GOLGA3: variants seen among roughly 807,000 people sequenced by gnomAD.
GOLGA3 encodes golgin subfamily A member 3.
Under a neutral mutation model 169.4 loss-of-function variants are expected in GOLGA3, and 75 were observed. That is an observed-to-expected ratio of 0.44 (90% CI 0.37 to 0.54). GOLGA3 has a LOEUF of 0.54. Among genes scored for constraint, GOLGA3 ranks in the 20% least tolerant of loss-of-function variants. The pLI is 0.00. For missense variants in GOLGA3, 1,899 were observed against 1,930.0 expected, an observed-to-expected ratio of 0.98 and a Z score of 0.30; for synonymous variants, 824 against 822.4, an observed-to-expected ratio of 1.00 and a Z score of -0.03.
chr12:132,787,681 ACCCCGGG>A (rs1297107027), intron 13 of GOLGA3, among the ~76,000 whole-genome samples: 5 of 22,454 alleles, frequency 2.2e-4, no homozygotes, highest in Admixed American at 5.0e-4. Flanking sequence ...CTCCCCGGAG[ACCCCGGG>A]ACCCCTCCCC....
In GOLGA3 at chr12:132,808,684, C is replaced by T. The variant is rs1250731980; in HGVS notation, c.520-135G>A. On this transcript the variant is annotated intron_variant, in intron 4 of 23. Coordinates refer to ENST00000450791, the MANE Select transcript of GOLGA3 (RefSeq NM_001389683.1). Reference sequence around the variant, plus strand: ...AGAGAGCACCACCTCCCCAGCCCCTCACCACACAGGGTGCGGCCAGGCCTC... The same window carrying T: ...AGAGAGCACCACCTCCCCAGCCCCTTACCACACAGGGTGCGGCCAGGCCTC... 6.7e-6 allele frequency: 5 copies of T among 743,396 alleles called. No homozygotes were observed. The South Asian group carries it at 8.6e-5, about 13-fold the overall frequency. 46.0% of individuals were successfully genotyped at this position (743,396 alleles called of 1,614,324 possible). A position where few individuals can be genotyped will look rare whatever the true frequency, so the allele number is the denominator to read the frequency against.
At chr12:132,773,437 TCAG>T in intron 23 of GOLGA3, 143 bp from the exon 24 acceptor site, 1 of 421,910 alleles carries the variant, frequency 2.4e-6, no homozygotes, top group Non-Finnish European at 4.2e-6. Flanking sequence ...CCACAGAAGC[TCAG>T]CTGTTCTCAG....
At position 132,770,076 on chromosome 12, in the gene GOLGA3, T is replaced by G. The variant is rs1487790172; in HGVS notation, c.*3029A>C. On this transcript the variant is annotated 3_prime_UTR_variant, in exon 24 of 24. Coordinates refer to ENST00000450791, the MANE Select transcript of GOLGA3 (RefSeq NM_001389683.1). The stretch of plus-strand genomic sequence containing the variant: ...TGGTGGAACTCCACCCCTCTAAAAA[T>G]ACAAAAATTAGGCTGGTGTGGTGGC... 1 of 151,594 alleles carries G rather than the reference T, an allele frequency of 6.6e-6. No homozygotes were observed. The highest frequency in any genetic ancestry group is 2.4e-5 in the African/African-American group (1 of 41,262). The allele number at this position is 151,594 out of a possible 1,614,324, so 9.4% of individuals were successfully genotyped here.
Position 132,786,718 on chromosome 12 carries a change from C to T in GOLGA3, c.2881G>A (p.Glu961Lys), listed in dbSNP as rs759417382. 19 of 1,599,646 alleles carry T rather than the reference C, an allele frequency of 1.2e-5. No homozygotes were observed. Among genetic ancestry groups the T allele is most frequent in the African/African-American group, 5.5e-5 (4 of 73,108 alleles). Residue 961 changes from glutamate (E) to lysine (K), a missense_variant, in exon 14 of 24, where the codon GAA becomes AAA. Coordinates refer to ENST00000450791, the MANE Select transcript of GOLGA3 (RefSeq NM_001389683.1). ...TTCCGGGCCTCTTGCTGCAACTCTTCGATTTGTTTCTTCAGCGCCTCATTG... is the reference window on the plus strand; with the variant it reads ...TTCCGGGCCTCTTGCTGCAACTCTTTGATTTGTTTCTTCAGCGCCTCATTG... ...EANEALKKQIEELQQEARKAI... is the reference protein window; with the variant it reads ...EANEALKKQIKELQQEARKAI...
intron 9 of GOLGA3, 43 bp from the exon 10 acceptor site, chr12:132,796,743 A>T: frequency 6.3e-7 from 1 of 1,593,728 alleles, no homozygotes; most frequent in Non-Finnish European, 8.6e-7. Flanking sequence ...GGAAACCTTA[A>T]TAGTGAACAG....
chr12:132,773,783 A>G (rs1781464409), intron 23 of GOLGA3, among the ~76,000 whole-genome samples: 1 of 142,436 alleles, frequency 7.0e-6, no homozygotes, highest in Non-Finnish European at 1.5e-5. Context: ...TAAACCGCAG[A>G]GGCTGTGTGA....
chr12:132,790,505 C>T (rs913498352), intron 12 of GOLGA3, among the ~76,000 whole-genome samples: 9 of 152,286 alleles, frequency 5.9e-5, no homozygotes, highest in African/African-American at 1.7e-4. Context: ...ATTTATATTC[C>T]GTGTCTTTTT....
chr12:132,800,217 C>A (rs867670126), intron 8 of GOLGA3, among the ~76,000 whole-genome samples: 1 of 152,278 alleles, frequency 6.6e-6, no homozygotes, highest in Admixed American at 6.5e-5. Flanking sequence ...ATGTAACAGT[C>A]GAGTGTGGTG....
rs553309471 is a variant in GOLGA3 at position 132,820,009 on chromosome 12, C to A, written c.133+1987G>T. Among the ~76,000 whole-genome samples the A allele has an allele frequency of 4.6e-5, 7 of 152,322 alleles. No individual in the cohort carries two copies. The East Asian group carries it at 1.4e-3, about 29-fold the overall frequency. ...AGCCTGATCAACATGGAAACTCCAT[C>A]TCTACTAAAAATACAAAATTAGCTG... On this transcript the variant is annotated intron_variant, in intron 2 of 23. Coordinates refer to ENST00000450791, the MANE Select transcript of GOLGA3 (RefSeq NM_001389683.1).
In GOLGA3 at chr12:132,816,668, G is replaced by A. The variant is rs1460766505; in HGVS notation, c.278C>T (p.Ala93Val). Residue 93 changes from alanine to valine, a missense_variant, in exon 3 of 24, where the codon GCC becomes GTC. Transcript: ENST00000450791. ...ATGGAAACCAGCCACACCTGGAGAGGCATCAGGGCCCACTGGGCTTGTGGT... is the reference window on the plus strand; with the variant it reads ...ATGGAAACCAGCCACACCTGGAGAGACATCAGGGCCCACTGGGCTTGTGGT... ...DPTTSPVGPD[A>V]SPGVAGFHDN... is the part of the protein sequence containing the mutation. 1.2e-6 allele frequency: 2 copies of A among 1,614,174 alleles called. No homozygotes were observed. The highest frequency in any genetic ancestry group is 1.7e-4 in the Middle Eastern group (1 of 6,060).
intron 1 of GOLGA3, chr12:132,827,705 G>A (rs759793819): frequency 4.5e-4 from 69 of 152,182 alleles, no homozygotes; most frequent in African/African-American, 1.3e-3. Flanking sequence ...GCCATTTAAG[G>A]TATACTGCCT....
In GOLGA3 at chr12:132,789,103, C is replaced by T. The variant is rs200833247; in HGVS notation, c.2735G>A (p.Arg912His). ...SRLHREVAQV[R>H]QHMADLEGHL... ...CCCTTCAAGGTCCGCCATGTGCTGA[C>T]GGACCTGGGCCACCTCTCTGTGCAG... The change falls in exon 13 of 24, where the codon CGT becomes CAT. Residue 912 changes from arginine (R) to histidine (H), a missense_variant. Coordinates refer to ENST00000450791, the MANE Select transcript of GOLGA3 (RefSeq NM_001389683.1). 7.7e-5 allele frequency: 124 copies of T among 1,613,070 alleles called. No individual in the cohort carries two copies. The highest frequency in any genetic ancestry group is 5.0e-5 in the Admixed American group (3 of 59,980).
chr12:132,789,806 G>A (rs750208917), intron 12 of GOLGA3, among the ~76,000 whole-genome samples: 2 of 62,546 alleles, frequency 3.2e-5, no homozygotes, highest in Non-Finnish European at 7.6e-5. Context: ...GCCCGAGCTG[G>A]CTGATCACCT....
At chr12:132,795,181 A>G (rs1948769357) in intron 11 of GOLGA3, among the ~76,000 whole-genome samples, 2 of 123,482 alleles carry the variant, frequency 1.6e-5, no homozygotes, top group Admixed American at 8.8e-5. Context: ...GTGAGACTCC[A>G]TCTCAAAAAA....
At chr12:132,776,821 C>T (rs1459836945) in intron 20 of GOLGA3, 65 bp from the exon 21 acceptor site, 5 of 1,587,114 alleles carry the variant, frequency 3.2e-6, no homozygotes, top group African/African-American at 1.4e-5. Context: ...TGGAAAATGG[C>T]TCTAGCTGTG....
chr12:132,826,257 A>AAAAAAAAT, intron 1 of GOLGA3: 1 of 1,213,924 alleles, frequency 8.2e-7, no homozygotes, highest in Non-Finnish European at 1.1e-6. Context: ...AAAAAAAAAA[A>AAAAAAAAT]AGAAACTGGA....
chr12:132,822,881 C>A (rs1223579842), intron 1 of GOLGA3, among the ~76,000 whole-genome samples: 4 of 152,182 alleles, frequency 2.6e-5, no homozygotes, highest in East Asian at 1.9e-4. Context: ...GAGATCGCAC[C>A]ACTGCACTGC....
At chr12:132,810,489 G>A (rs1001121904) in intron 4 of GOLGA3, among the ~76,000 whole-genome samples, 3 of 152,134 alleles carry the variant, frequency 2.0e-5, no homozygotes, top group African/African-American at 7.2e-5. Flanking sequence ...TTAATCATTA[G>A]TTTGCAGCAA....
chr12:132,787,447 ACCCCTCCTAGGAAACCCCAGG>A, intron 13 of GOLGA3, among the ~76,000 whole-genome samples: 1 of 138,448 alleles, frequency 7.2e-6, no homozygotes, highest in Non-Finnish European at 1.6e-5. Context: ...AAGGATCCAG[ACCCCTCCTAGGAAACCCCAGG>A]ACCCCTCCCC....
Sources: allele counts gnomAD v4.1 joint callset (sites outside exome capture counted in the v4.1 genomes callset), GRCh38; gene constraint gnomAD v4.1.1; transcripts MANE v1.5; gene names NCBI Gene and HGNC (gene_info 2026-07-23, HGNC 2026-07-21).